Variants in REXO1 observed in about 807,000 individuals in gnomAD.
REXO1 encodes REX1, RNA exonuclease 1 homolog.
Under a neutral mutation model 102.6 loss-of-function variants are expected in REXO1, and 42 were observed. The ratio of observed to expected loss-of-function variants is 0.41; its 90% confidence interval spans 0.32 to 0.53. REXO1 has a LOEUF of 0.53. Among genes scored for constraint, REXO1 ranks in the 20% least tolerant of loss-of-function variants. The probability of loss-of-function intolerance (pLI) is 0.27; values close to 1 mark genes in which losing one functional copy is unlikely to be tolerated. For missense variants in REXO1, 1,819 were observed against 1,732.5 expected, an observed-to-expected ratio of 1.05 and a Z score of -0.89; for synonymous variants, 908 against 779.1, an observed-to-expected ratio of 1.17 and a Z score of -2.76.
intron 1 of REXO1, 30 bp from the exon 2 acceptor site, chr19:1,828,661 C>T (rs1187833554): frequency 6.4e-7 from 1 of 1,565,118 alleles, no homozygotes; most frequent in South Asian, 1.1e-5. Flanking sequence ...CAGCTGTGAC[C>T]AGCCTGCCGG....
chr19:1,821,710 A>G, intron 4 of REXO1, 28 bp from the exon 5 acceptor site: 1 of 1,590,784 alleles, frequency 6.3e-7, no homozygotes, highest in Non-Finnish European at 8.5e-7. Flanking sequence ...GTGTGGGCAC[A>G]GGGCGAGTGG....
At chr19:1,816,181 G>T (rs753539930) in intron 15 of REXO1, 27 bp from the exon 16 acceptor site, 1 of 1,559,090 alleles carries the variant, frequency 6.4e-7, no homozygotes, top group Admixed American at 1.9e-5. Flanking sequence ...GTGAGCACCC[G>T]GCCCCTGCGC....
chr19:1,841,130 G>A (rs867858563), intron 1 of REXO1, among the ~76,000 whole-genome samples: 1 of 152,248 alleles, frequency 6.6e-6, no homozygotes, highest in Non-Finnish European at 1.5e-5. Flanking sequence ...TGTTAGAGGA[G>A]GAAGAGGAAT....
Position 1,817,270 on chromosome 19 carries a change from T to C in REXO1, c.3150A>G (p.Lys1050=). The C allele has an allele frequency of 6.2e-7, 1 of 1,613,254 alleles. No individual in the cohort carries two copies. Among genetic ancestry groups the C allele is most frequent in the Non-Finnish European group, 8.5e-7 (1 of 1,180,010 alleles). ...CCGGGTGGGTGTCTCCTGAGAGCTC[T>C]TTCTCAAAGGTCTTCACGAAGCCCT... is the stretch of plus-strand genomic sequence containing the variant. ...RLEGFVKTFE[K]ELSGDTHPGI... Residue 1050 remains lysine, a synonymous_variant, in exon 12 of 16, where the codon AAA becomes AAG. Coordinates refer to ENST00000170168, the MANE Select transcript of REXO1 (RefSeq NM_020695.4).
chr19:1,827,538 G>A lies in REXO1; in HGVS notation c.1251C>T (p.Gly417=), dbSNP rs778131007. 39 of 1,587,352 alleles carry A rather than the reference G, an allele frequency of 2.5e-5. No homozygotes were observed. The highest frequency in any genetic ancestry group is 5.7e-5 in the South Asian group (5 of 87,598). ...TGCGCCGGGGGCTGCTGGCCTGCGG[G>A]CCCTTCTTGTCCGCACGGGGCTTCT... ...PVEKPRADKK[G]PQASSPRRKA... Residue 417 remains glycine, a synonymous_variant, in exon 2 of 16, where the codon GGC becomes GGT. Coordinates refer to ENST00000170168, the MANE Select transcript of REXO1 (RefSeq NM_020695.4).
At position 1,816,167 on chromosome 19, in the gene REXO1, T is replaced by A. The variant is rs1412809720; in HGVS notation, c.3578-13A>T. On this transcript the variant is annotated splice_polypyrimidine_tract_variant and intron_variant, in intron 15 of 15. Transcript: ENST00000170168. ...CTGTGCCCATCCACTGCGGGGCAGA[T>A]GCGGTGAGCACCCGGCCCCTGCGCA... The A allele has an allele frequency of 1.3e-6, 2 of 1,553,760 alleles. No homozygotes were observed. Among genetic ancestry groups the A allele is most frequent in the Non-Finnish European group, 1.7e-6 (2 of 1,148,140 alleles).
rs758273053 is a variant in REXO1 at position 1,816,269 on chromosome 19, C to T, written c.3533G>A (p.Arg1178Gln). 1.9e-6 allele frequency: 3 copies of T among 1,587,358 alleles called. No homozygotes were observed. Among genetic ancestry groups the T allele is most frequent in the Non-Finnish European group, 2.6e-6 (3 of 1,167,282 alleles). ...RLGLPYKRSL[R>Q]NLMADYLRQI... ...TCTGAGGTAGTCGGCCATGAGGTTC[C>T]GCAGGGACCGCTTGTAGGGGAGGCC... Residue 1178 changes from arginine to glutamine, a missense_variant, in exon 15 of 16, where the codon CGG (arginine) becomes CAG (glutamine). By Grantham distance (43) the Arg-to-Gln change is conservative. Coordinates refer to ENST00000170168, the MANE Select transcript of REXO1 (RefSeq NM_020695.4).
rs201559419 is a variant in REXO1 at position 1,818,563 on chromosome 19, C to T, written c.2935G>A (p.Glu979Lys). The T allele has an allele frequency of 1.9e-6, 3 of 1,611,750 alleles. No homozygotes were observed. The highest frequency in any genetic ancestry group is 2.2e-5 in the East Asian group (1 of 44,830). The part of the protein sequence containing the change: ...SCRTCCRCGT[E>K]YLVSSSGRCI... ...CGGCCTGAAGAGGACACGAGGTACTCGGTGCCACAGCGGCAGCAGGTCCTG... is the reference window on the plus strand; with the variant it reads ...CGGCCTGAAGAGGACACGAGGTACTTGGTGCCACAGCGGCAGCAGGTCCTG... Residue 979 changes from glutamate (E) to lysine (K), a missense_variant, in exon 10 of 16, where the codon GAG becomes AAG. Glu to Lys is a moderately conservative substitution (Grantham distance 56). Transcript: ENST00000170168.
At chr19:1,836,743 CAAAAAAAAAAAAAA>C (rs1185957602) in intron 1 of REXO1, among the ~76,000 whole-genome samples, 2 of 64,602 alleles carry the variant, frequency 3.1e-5, no homozygotes, top group African/African-American at 1.4e-4. Flanking sequence ...AAGACTGTCT[CAAAAAAAAAAAAAA>C]AAAAAAAAAA....
intron 1 of REXO1, among the ~76,000 whole-genome samples, chr19:1,844,422 C>T (rs2011443113): frequency 6.6e-6 from 1 of 152,212 alleles, no homozygotes; most frequent in African/African-American, 2.4e-5. Context: ...AGGAGGAGGA[C>T]CCCTGCCTGA....
At chr19:1,834,952 C>T (rs560858005) in intron 1 of REXO1, 2 of 437,990 alleles carry the variant, frequency 4.6e-6, no homozygotes, top group South Asian at 3.2e-5. Flanking sequence ...AGCCTGTGAC[C>T]CACTGGTGCT....
At chr19:1,825,781 C>T (rs1190668998) in intron 3 of REXO1, 58 bp downstream of exon 3, 16 of 1,207,604 alleles carry the variant, frequency 1.3e-5, no homozygotes, top group Admixed American at 8.5e-5. Context: ...AGGCCAACCT[C>T]GTCTTTAAAA....
At chr19:1,817,139 G>GATGGGGCCAA (rs1397756385) in intron 12 of REXO1, 80 bp downstream of exon 12, 2 of 1,561,686 alleles carry the variant, frequency 1.3e-6, no homozygotes, top group Non-Finnish European at 1.7e-6. Context: ...GCCAGGCCCA[G>GATGGGGCCAA]ATGGGGCCAG....
At chr19:1,840,629 C>T (rs2011233959) in intron 1 of REXO1, among the ~76,000 whole-genome samples, 1 of 152,076 alleles carries the variant, frequency 6.6e-6, no homozygotes, top group African/African-American at 2.4e-5. Flanking sequence ...TTTGGAAACA[C>T]TCGCCCCACC....
At chr19:1,821,804 G>A (rs758558305) in intron 4 of REXO1, 122 bp from the exon 5 acceptor site, 65 of 874,586 alleles carry the variant, frequency 7.4e-5, no homozygotes, top group South Asian at 2.6e-4. Context: ...GCAGGGGGCC[G>A]GGCCAGGGTG....
At chr19:1,840,179 G>GCCCTGCC (rs1207146942) in intron 1 of REXO1, among the ~76,000 whole-genome samples, 1 of 152,184 alleles carries the variant, frequency 6.6e-6, no homozygotes, top group Non-Finnish European at 1.5e-5. Flanking sequence ...CACCTTCCTG[G>GCCCTGCC]CCCTGCCCCC....
chr19:1,848,375 G>C lies in REXO1; in HGVS notation c.-17C>G. ...GCGTAGCATGGTCCGTCCCGCGGCG[G>C]GGCCCCGGCCCGGAGCCGCCCGGGC... On this transcript the variant is annotated 5_prime_UTR_variant, in exon 1 of 16. Coordinates refer to ENST00000170168, the MANE Select transcript of REXO1 (RefSeq NM_020695.4). 3.3e-6 allele frequency: 4 copies of C among 1,205,940 alleles called. No individual in the cohort carries two copies. Among genetic ancestry groups the C allele is most frequent in the Non-Finnish European group, 4.1e-6 (4 of 965,394 alleles). 74.7% of individuals were successfully genotyped at this position (1,205,940 alleles called of 1,614,324 possible).
At chr19:1,831,326 G>A (rs536279067) in intron 1 of REXO1, among the ~76,000 whole-genome samples, 26 of 152,346 alleles carry the variant, frequency 1.7e-4, no homozygotes, top group African/African-American at 4.8e-4. Flanking sequence ...GGCCTCAGGT[G>A]TGTTTCTTCC....
At chr19:1,828,834 G>A (rs921708518) in intron 1 of REXO1, among the ~76,000 whole-genome samples, 1 of 152,260 alleles carries the variant, frequency 6.6e-6, no homozygotes, top group African/African-American at 2.4e-5. Context: ...GCCCCGCCTT[G>A]CCCTGACCAA....
Sources: allele counts gnomAD v4.1 joint callset (sites outside exome capture counted in the v4.1 genomes callset), GRCh38; gene constraint gnomAD v4.1.1; transcripts MANE v1.5; gene names NCBI Gene and HGNC (gene_info 2026-07-23, HGNC 2026-07-21).